Variants in LRRC56 observed in about 807,000 individuals in gnomAD.
The protein encoded by LRRC56 is leucine-rich repeat-containing protein 56.
A neutral mutation model predicts 47.8 loss-of-function variants in LRRC56; 41 were observed. The ratio of observed to expected loss-of-function variants is 0.86; its 90% CI spans 0.67 to 1.11. LRRC56 has a LOEUF of 1.11. Among genes scored for constraint, LRRC56 ranks in the 50% most tolerant of loss-of-function variants. LRRC56 has a pLI of 0.00. For synonymous variants in LRRC56, 387 were observed against 311.2 expected (o/e 1.24, Z -2.56); for missense variants, 759 against 704.2 (o/e 1.08, Z -0.88).
At position 551,374 on chromosome 11, in the gene LRRC56, C is replaced by T. The variant is rs1325718941; in HGVS notation, c.796+72C>T. 2.8e-6 allele frequency: 3 copies of T among 1,057,466 alleles called. No individual in the cohort carries two copies. In the African/African-American group the frequency reaches 4.8e-5, roughly 17 times the overall value. 65.5% of individuals were successfully genotyped at this position (1,057,466 alleles called of 1,614,324 possible). ...CCCAGGAAGAGGCCCCCACCCCAGG[C>T]TTCTCAGAAACGGATAGCCACATCT... On this transcript the variant is annotated intron_variant, in intron 9 of 13. Coordinates refer to ENST00000270115, the MANE Select transcript of LRRC56 (RefSeq NM_198075.4).
rs1300424774 is a variant in LRRC56, at chr11:551,118, C to T, written c.625-13C>T. 7.1e-7 allele frequency: 1 copy of T among 1,417,488 alleles called. No homozygotes were observed. Among genetic ancestry groups the T allele is most frequent in the Non-Finnish European group, 9.4e-7 (1 of 1,064,448 alleles). 87.8% of individuals were successfully genotyped at this position (1,417,488 alleles called of 1,614,324 possible). A position where few individuals can be genotyped will look rare whatever the true frequency, so the allele number is the denominator to read the frequency against. ...CAGACCTGCCCTCCCTCCCCCTCCC[C>T]CTCCCCCTGCAGGTGCCCAGGGGCT... On this transcript the variant is annotated splice_polypyrimidine_tract_variant and intron_variant, in intron 8 of 13. Coordinates refer to ENST00000270115, the MANE Select transcript of LRRC56 (RefSeq NM_198075.4).
intron 6 of LRRC56, among the ~76,000 whole-genome samples, 194 bp from the exon 7 acceptor site, chr11:549,708 C>T (rs990699184): frequency 3.3e-5 from 5 of 152,266 alleles, no homozygotes; most frequent in Admixed American, 6.5e-5. Context: ...AAGCCAGGCC[C>T]TCCAGGGCTT....
At chr11:518,030 G>A in the LRRC56 span, among the ~76,000 whole-genome samples, 26 of 152,210 alleles carry the variant, frequency 1.7e-4, 3 homozygotes, top group African/African-American at 6.3e-4. Flanking sequence ...CAAACACTGC[G>A]GAAGGCCGCA....
At chr11:516,570 A>G in the LRRC56 span, among the ~76,000 whole-genome samples, 694 of 152,306 alleles carry the variant, frequency 4.6e-3, 4 homozygotes, top group African/African-American at 0.016. Flanking sequence ...GACGCAGTGA[A>G]ATTTATCACA....
chr11:514,194 A>G, the LRRC56 span, among the ~76,000 whole-genome samples: 199 of 151,554 alleles, frequency 1.3e-3, 1 homozygote, highest in Non-Finnish European at 2.7e-4. Flanking sequence ...GGGTTTCACC[A>G]TGTTGGCCAG....
upstream of LRRC56, chr11:536,828 C>T (rs533367626): frequency 1.3e-5 from 2 of 152,398 alleles, no homozygotes; most frequent in South Asian, 2.1e-4. Flanking sequence ...GCCCGCCTCG[C>T]CCTCCTGCGC....
At chr11:532,624 C>T, upstream of LRRC56, 2 of 1,609,312 alleles carry the variant, frequency 1.2e-6, no homozygotes, top group East Asian at 2.2e-5. Context: ...CTGGGAGTCC[C>T]CCTCACCTGC....
chr11:509,634 G>A, the LRRC56 span, among the ~76,000 whole-genome samples: 13 of 151,956 alleles, frequency 8.6e-5, no homozygotes, highest in Admixed American at 2.0e-4. Flanking sequence ...TGTAAGCTCC[G>A]CCTCCCAGGT....
chr11:514,809 T>G, the LRRC56 span, among the ~76,000 whole-genome samples: 1 of 152,146 alleles, frequency 6.6e-6, no homozygotes, highest in Non-Finnish European at 1.5e-5. Context: ...TTGCGACATT[T>G]GTGTTATTGC....
chr11:518,614 T>TG, the LRRC56 span, among the ~76,000 whole-genome samples: 1 of 152,114 alleles, frequency 6.6e-6, no homozygotes, highest in East Asian at 1.9e-4. Context: ...TGAGTCACCC[T>TG]GCCCGGCCGC....
chr11:541,052 C>A lies in LRRC56; in HGVS notation c.177+191C>A, dbSNP rs1427881458. Among the ~76,000 whole-genome samples, 1 of 152,166 alleles carries A rather than the reference C, an allele frequency of 6.6e-6. No individual in the cohort carries two copies. Among genetic ancestry groups the A allele is most frequent in the Admixed American group, 6.5e-5 (1 of 15,278 alleles). On this transcript the variant is annotated intron_variant, in intron 4 of 13. Transcript: ENST00000270115. The surrounding 1 kb of genome is among the most constrained non-coding windows in gnomAD (Gnocchi z 4.1). ...CTCTGCCCTTGGGACCCCTACCAGGCCCCAAAACACCAGCAACACCAGGTG... is the reference window on the plus strand; with the variant it reads ...CTCTGCCCTTGGGACCCCTACCAGGACCCAAAACACCAGCAACACCAGGTG...
At chr11:535,003 G>A (rs895003102), upstream of LRRC56, among the ~76,000 whole-genome samples, 1 of 152,202 alleles carries the variant, frequency 6.6e-6, no homozygotes, top group Non-Finnish European at 1.5e-5. Context: ...GACCCGGAGA[G>A]GGAAAAGGCA....
At chr11:528,189 C>T in the LRRC56 span, among the ~76,000 whole-genome samples, 2 of 152,224 alleles carry the variant, frequency 1.3e-5, no homozygotes, top group Non-Finnish European at 1.5e-5. Context: ...GGAGAGTTTA[C>T]GCGTGGCCTT....
Position 552,100 on chromosome 11 carries a change from C to A in LRRC56, c.1049C>A (p.Pro350His). ...CCTTTTCCTCCCCAGGCCAGGGAGCCCCCCGAGCAGCTGCCCCAACACAGG... is the reference window on the plus strand; with the variant it reads ...CCTTTTCCTCCCCAGGCCAGGGAGCACCCCGAGCAGCTGCCCCAACACAGG... ...ERRHQCQARE[P>H]PEQLPQHRPG... Residue 350 changes from proline to histidine, a missense_variant, in exon 12 of 14, where the codon CCC becomes CAC. By Grantham distance (77) the Pro-to-His change is moderately conservative. Coordinates refer to ENST00000270115, the MANE Select transcript of LRRC56 (RefSeq NM_198075.4). 1 of 1,611,102 alleles carries A rather than the reference C, an allele frequency of 6.2e-7. No individual in the cohort carries two copies. Among genetic ancestry groups the A allele is most frequent in the Non-Finnish European group, 8.5e-7 (1 of 1,178,670 alleles).
the LRRC56 span, among the ~76,000 whole-genome samples, chr11:511,383 C>T: frequency 2.0e-5 from 3 of 151,182 alleles, no homozygotes; most frequent in East Asian, 5.8e-4. Context: ...TTTGAGAATT[C>T]AACTTGATTG....
intron 6 of LRRC56, among the ~76,000 whole-genome samples, chr11:548,368 C>T (rs1852195702): frequency 6.6e-6 from 1 of 152,182 alleles, no homozygotes; most frequent in Admixed American, 6.5e-5. Flanking sequence ...ATAGCCTCGA[C>T]CTCCTGGGCT....
At chr11:511,447 CAA>C in the LRRC56 span, among the ~76,000 whole-genome samples, 1 of 152,096 alleles carries the variant, frequency 6.6e-6, no homozygotes, top group Non-Finnish European at 1.5e-5. Flanking sequence ...GTTAAACTGA[CAA>C]TGACCAGCTG....
intron 6 of LRRC56, 49 bp from the exon 7 acceptor site, chr11:549,853 T>C (rs754892920): frequency 6.5e-7 from 1 of 1,543,380 alleles, no homozygotes; most frequent in South Asian, 1.1e-5. Flanking sequence ...AGGTGGTGGC[T>C]GAGCACAGGG....
chr11:551,687 C>A lies in LRRC56; in HGVS notation c.833C>A (p.Pro278His). 6.2e-7 allele frequency: 1 copy of A among 1,604,634 alleles called. No individual in the cohort carries two copies. The highest frequency in any genetic ancestry group is 1.1e-5 in the South Asian group (1 of 90,232). ...PRGAPIRRLD[P>H]ELSLPETQSR... The stretch of plus-strand genomic sequence containing the variant: ...GGAGCCCCCATCCGGAGACTTGACC[C>A]CGAGCTGTCCCTGCCTGAGACGCAG... Residue 278 changes from proline to histidine, a missense_variant, in exon 10 of 14, where the codon CCC becomes CAC. Transcript: ENST00000270115.
Sources: allele counts gnomAD v4.1 joint callset (sites outside exome capture counted in the v4.1 genomes callset), GRCh38; gene constraint gnomAD v4.1.1; non-coding constraint Gnocchi (gnomAD v3.1); transcripts MANE v1.5; gene names NCBI Gene and HGNC (gene_info 2026-07-23, HGNC 2026-07-21).